Variants in TM7SF3 observed in about 807,000 individuals in gnomAD.
The protein encoded by TM7SF3 is transmembrane 7 superfamily member 3, also known as seven span transmembrane protein.
Under a neutral mutation model 65.5 loss-of-function variants are expected in TM7SF3, and 60 were observed. The observed-to-expected ratio is 0.92, with a 90% CI of 0.74 to 1.14. The LOEUF (loss-of-function observed/expected upper bound fraction) is 1.14. TM7SF3 is among the 50% of genes most tolerant of loss of function. The probability of loss-of-function intolerance (pLI) is 0.00; values close to 1 mark genes in which losing one functional copy is unlikely to be tolerated. For synonymous variants in TM7SF3, 264 were observed against 259.6 expected (o/e 1.02, Z -0.16); for missense variants, 623 against 684.8 (o/e 0.91, Z 1.01).
intron 5 of TM7SF3, among the ~76,000 whole-genome samples, chr12:26,990,997 C>T (rs533016249): frequency 3.0e-4 from 46 of 152,312 alleles, no homozygotes; most frequent in African/African-American, 1.1e-3. Flanking sequence ...AGCCCAATGC[C>T]TAACACAGAG....
rs1939773291 is a variant in TM7SF3, at chr12:26,980,604, TA to T, written c.997del (p.Tyr333IlefsTer3). The T allele has an allele frequency of 2.5e-6, 4 of 1,578,966 alleles. No homozygotes were observed. The highest frequency in any genetic ancestry group is 2.3e-5 in the East Asian group (1 of 44,434). ...IGFIIMGFFF[Y>X]ILITRLTPIK... Reference sequence around the variant, plus strand: ...AGGTGTCAGTCTTGTAATCAGTATATAAAAGAAGAATCCCATGATGATAAAG... The same window carrying T: ...AGGTGTCAGTCTTGTAATCAGTATATAAAGAAGAATCCCATGATGATAAAG... On this transcript the variant is annotated frameshift_variant, in exon 8 of 12. Transcript: ENST00000343028. LOFTEE classifies it high-confidence loss of function.
intron 6 of TM7SF3, among the ~76,000 whole-genome samples, chr12:26,989,485 C>G (rs946637168): frequency 1.3e-5 from 2 of 151,116 alleles, no homozygotes; most frequent in Non-Finnish European, 3.0e-5. Context: ...GCACAGGAGT[C>G]GGCTCCCCCA....
Position 26,992,364 on chromosome 12 carries a change from T to C in TM7SF3, c.691-1737A>G, listed in dbSNP as rs191687832. On this transcript the variant is annotated intron_variant, in intron 5 of 11. Transcript: ENST00000343028. ...GATCATCTCGGCTCACTGCAAGCTC[T>C]GCCTCCCAGGTTCACGCCATTCTCC... Among the ~76,000 whole-genome samples the C allele has an allele frequency of 6.1e-4, 93 of 152,146 alleles. No individual in the cohort carries two copies. In the East Asian group the frequency reaches 0.016, roughly 27 times the overall value.
In TM7SF3 at chr12:27,003,377, A is replaced by T; in HGVS notation, c.105T>A (p.Phe35Leu). 1.9e-6 allele frequency: 3 copies of T among 1,611,740 alleles called. No homozygotes were observed. Among genetic ancestry groups the T allele is most frequent in the South Asian group, 2.2e-5 (2 of 90,444 alleles). Residue 35 changes from phenylalanine to leucine, a missense_variant, in exon 2 of 12, where the codon TTT (phenylalanine) becomes TTA (leucine). Phe to Leu is a conservative substitution (Grantham distance 22). Transcript: ENST00000343028. Reference sequence around the variant, plus strand: ...CGAAGTATCTAAATTTCCCCACAGAAAATTCAATAAGACCTACAACGAGAT... The same window carrying T: ...CGAAGTATCTAAATTTCCCCACAGATAATTCAATAAGACCTACAACGAGAT... ...FGNSSEGLIE[F>L]SVGKFRYFEL... is the part of the protein sequence containing the mutation.
chr12:26,992,538 C>T (rs1381535577), intron 5 of TM7SF3, among the ~76,000 whole-genome samples: 1 of 152,222 alleles, frequency 6.6e-6, no homozygotes, highest in African/African-American at 2.4e-5. Flanking sequence ...CCCGCCTTGG[C>T]CTCCCAAAGT....
chr12:26,974,904 T>A (rs1388690041), intron 11 of TM7SF3, among the ~76,000 whole-genome samples: 1 of 152,220 alleles, frequency 6.6e-6, no homozygotes, highest in East Asian at 1.9e-4. Flanking sequence ...GCAATATATC[T>A]TCAATTCTAG....
chr12:27,001,319 C>T (rs1281083062), intron 2 of TM7SF3, among the ~76,000 whole-genome samples: 1 of 152,210 alleles, frequency 6.6e-6, no homozygotes, highest in East Asian at 1.9e-4. Context: ...GCCCAAGATG[C>T]TGCCAGCTAG....
At chr12:26,985,587 T>C (rs1429024851) in intron 6 of TM7SF3, among the ~76,000 whole-genome samples, 5 of 125,456 alleles carry the variant, frequency 4.0e-5, no homozygotes, top group African/African-American at 1.5e-4. Context: ...ATCATGCCAC[T>C]GCACTCCAGC....
chr12:26,985,877 G>A (rs1373584826), intron 6 of TM7SF3, among the ~76,000 whole-genome samples: 2 of 106,822 alleles, frequency 1.9e-5, no homozygotes, highest in Admixed American at 1.1e-4. Flanking sequence ...GCAGTGGCGC[G>A]ATCTTGGCTC....
intron 6 of TM7SF3, among the ~76,000 whole-genome samples, chr12:26,985,382 T>C (rs972244302): frequency 1.3e-5 from 2 of 151,464 alleles, no homozygotes; most frequent in Non-Finnish European, 2.9e-5. Context: ...CTGTAGGACT[T>C]TGGGAGGCCG....
chr12:26,993,336 T>C (rs1222891888), intron 5 of TM7SF3, among the ~76,000 whole-genome samples: 2 of 152,230 alleles, frequency 1.3e-5, no homozygotes, highest in Admixed American at 6.5e-5. Context: ...CCAATGACTG[T>C]AGAAGATGTG....
chr12:26,973,947 G>T lies in TM7SF3; in HGVS notation c.*18C>A. 3 of 1,611,860 alleles carry T rather than the reference G, an allele frequency of 1.9e-6. No homozygotes were observed. The South Asian group carries it at 3.3e-5, about 18-fold the overall frequency. Reference sequence around the variant, plus strand: ...ATGAACTCCAAAGCTGAGGCACACTGACCAAGCCCCTGGGCATCTACAGAA... The same window carrying T: ...ATGAACTCCAAAGCTGAGGCACACTTACCAAGCCCCTGGGCATCTACAGAA... On this transcript the variant is annotated 3_prime_UTR_variant, in exon 12 of 12. Coordinates refer to ENST00000343028, the MANE Select transcript of TM7SF3 (RefSeq NM_016551.3).
chr12:26,990,427 A>C, intron 6 of TM7SF3, 23 bp downstream of exon 6: 1 of 1,588,108 alleles, frequency 6.3e-7, no homozygotes, highest in Non-Finnish European at 8.6e-7. Flanking sequence ...AGAATTTGTA[A>C]AAGTTTAAAG....
At chr12:27,013,988 T>G in intron 1 of TM7SF3, 90 bp downstream of exon 1, 2 of 1,133,026 alleles carry the variant, frequency 1.8e-6, no homozygotes, top group South Asian at 1.3e-5. Context: ...ACCATCTCCC[T>G]GCTAGGCTGA....
chr12:27,009,899 A>G (rs1941183300), intron 1 of TM7SF3, among the ~76,000 whole-genome samples: 1 of 152,182 alleles, frequency 6.6e-6, no homozygotes, highest in Non-Finnish European at 1.5e-5. Flanking sequence ...ATACTTTGGC[A>G]GTGTAACCCT....
In TM7SF3 at chr12:26,971,726, T is replaced by G. The variant is rs1005286621; in HGVS notation, c.*2239A>C. ...TCACTGGCAGTGCATTCAGATAGTATAGAAAATAACAAACATTCCATATAA... is the reference window on the plus strand; with the variant it reads ...TCACTGGCAGTGCATTCAGATAGTAGAGAAAATAACAAACATTCCATATAA... On this transcript the variant is annotated 3_prime_UTR_variant, in exon 12 of 12. Coordinates refer to ENST00000343028, the MANE Select transcript of TM7SF3 (RefSeq NM_016551.3). 6.6e-6 allele frequency: 1 copy of G among 152,332 alleles called. No individual in the cohort carries two copies. Among genetic ancestry groups the G allele is most frequent in the Non-Finnish European group, 1.5e-5 (1 of 68,024 alleles). 9.4% of individuals were successfully genotyped at this position (152,332 alleles called of 1,614,324 possible). A position where few individuals can be genotyped will look rare whatever the true frequency, so the allele number is the denominator to read the frequency against.
At chr12:27,002,707 A>C (rs1940881759) in intron 2 of TM7SF3, among the ~76,000 whole-genome samples, 1 of 152,228 alleles carries the variant, frequency 6.6e-6, no homozygotes, top group Non-Finnish European at 1.5e-5. Flanking sequence ...TAAGGGGTTT[A>C]GTGATGACAT....
rs1940746782 is a variant in TM7SF3 at position 26,999,572 on chromosome 12, T to C, written c.351A>G (p.Ile117Met). 6.2e-7 allele frequency: 1 copy of C among 1,614,146 alleles called. No individual in the cohort carries two copies. The highest frequency in any genetic ancestry group is 1.7e-5 in the Admixed American group (1 of 60,014). Reference protein sequence around the residue: ...TCTWYLGTSGIQPVQNMAILL... With the variant: ...TCTWYLGTSGMQPVQNMAILL... ...GGATAGCCATATTCTGGACAGGCTGTATGCCTGAAGTCCCCAAGTACCAAG... is the reference window on the plus strand; with the variant it reads ...GGATAGCCATATTCTGGACAGGCTGCATGCCTGAAGTCCCCAAGTACCAAG... Residue 117 changes from isoleucine to methionine, a missense_variant, in exon 3 of 12, where the codon ATA becomes ATG. Ile to Met is a conservative substitution (Grantham distance 10). Coordinates refer to ENST00000343028, the MANE Select transcript of TM7SF3 (RefSeq NM_016551.3).
intron 6 of TM7SF3, among the ~76,000 whole-genome samples, chr12:26,986,186 G>A (rs186890717): frequency 6.6e-5 from 10 of 152,076 alleles, no homozygotes; most frequent in Non-Finnish European, 1.0e-4. Context: ...GCACATCTTT[G>A]TAAAATCCAG....
Sources: allele counts gnomAD v4.1 joint callset (sites outside exome capture counted in the v4.1 genomes callset), GRCh38; gene constraint gnomAD v4.1.1; transcripts MANE v1.5; gene names NCBI Gene and HGNC (gene_info 2026-07-23, HGNC 2026-07-21).